Variants in CERKL observed in about 807,000 individuals in gnomAD.
CERKL encodes the protein CERK like autophagy regulator.
CERKL carries 61 observed loss-of-function variants against 63.4 expected under a neutral mutation model. The observed-to-expected ratio is 0.96, with a 90% CI of 0.78 to 1.19. The LOEUF is 1.19. Ranked by LOEUF, CERKL falls within the 50% of genes most tolerant of loss-of-function variation. The pLI, the probability that CERKL is intolerant of heterozygous loss-of-function variation, is 0.00. For missense variants in CERKL, 675 were observed against 655.5 expected, an observed-to-expected ratio of 1.03 and a Z score of -0.33; for synonymous variants, 250 against 230.5, an observed-to-expected ratio of 1.08 and a Z score of -0.77.
intron 1 of CERKL, among the ~76,000 whole-genome samples, chr2:181,647,235 G>A (rs1291671317): frequency 1.3e-5 from 2 of 152,226 alleles, no homozygotes; most frequent in Non-Finnish European, 2.9e-5. Flanking sequence ...TAGAAAGTCT[G>A]AAGCTGTAAT....
intron 2 of CERKL, among the ~76,000 whole-genome samples, chr2:181,592,968 G>C (rs1685049169): frequency 6.6e-6 from 1 of 152,120 alleles, no homozygotes; most frequent in South Asian, 2.1e-4. Flanking sequence ...AAGGGCTAAA[G>C]AGTTTGGGGC....
chr2:181,623,113 T>C (rs1237259648), intron 1 of CERKL, among the ~76,000 whole-genome samples: 1 of 152,234 alleles, frequency 6.6e-6, no homozygotes, highest in Non-Finnish European at 1.5e-5. Flanking sequence ...TATTTTCGAT[T>C]CGTTCCATAA....
intron 1 of CERKL, among the ~76,000 whole-genome samples, chr2:181,615,794 G>A (rs1686166411): frequency 2.0e-5 from 3 of 152,058 alleles, no homozygotes; most frequent in African/African-American, 7.3e-5. Context: ...GTTAAACTAG[G>A]GTTTAAACAA....
chr2:181,568,667 TTTC>T (rs1405102509), intron 3 of CERKL, among the ~76,000 whole-genome samples: 1 of 83,064 alleles, frequency 1.2e-5, no homozygotes, highest in Non-Finnish European at 3.0e-5. Context: ...ATTGGAGTAT[TTTC>T]TTTTTTTTTT....
chr2:181,604,020 A>C lies in CERKL; in HGVS notation c.298T>G (p.Ser100Ala), dbSNP rs34753159. 1.3e-3 allele frequency: 2,117 copies of C among 1,611,536 alleles called. 29 individuals are homozygous for C. In the African/African-American group the frequency reaches 0.025, roughly 19 times the overall value. Residue 100 changes from serine (S) to alanine (A), a missense_variant, in exon 2 of 13, where the codon TCT becomes GCT. Transcript: ENST00000410087. ...EEFIELKDIF[S>A]VKLKRRCSVK... ...GAACAACGCCGTTTCAGTTTCACAG[A>C]GAATATGTCTTTGAGTTCAATAAAT...
At position 181,536,723 on chromosome 2, in the gene CERKL, C is replaced by CTAT. The variant is rs1687124190; in HGVS notation, c.*1458_*1460dup. 4.1e-6 allele frequency: 1 copy of CTAT among 242,680 alleles called. No homozygotes were observed. Among genetic ancestry groups the CTAT allele is most frequent in the African/African-American group, 2.3e-5 (1 of 43,272 alleles). 15.0% of individuals were successfully genotyped at this position (242,680 alleles called of 1,614,324 possible). ...TAGTTTGTTCATACTATATGAGGTT[C>CTAT]TATTTTAAATGACTTTCTGGATTTT... On this transcript the variant is annotated 3_prime_UTR_variant, in exon 13 of 13. Transcript: ENST00000410087.
intron 11 of CERKL, among the ~76,000 whole-genome samples, chr2:181,539,656 C>T (rs951541433): frequency 6.6e-6 from 1 of 152,130 alleles, no homozygotes; most frequent in Non-Finnish European, 1.5e-5. Flanking sequence ...AAGTTTCACA[C>T]TTGGAATTTA....
At chr2:181,613,265 T>C (rs146143920) in intron 1 of CERKL, among the ~76,000 whole-genome samples, 6 of 152,348 alleles carry the variant, frequency 3.9e-5, no homozygotes, top group Non-Finnish European at 8.8e-5. Flanking sequence ...TTTTTAAATC[T>C]AGCCAAATTT....
intron 1 of CERKL, among the ~76,000 whole-genome samples, chr2:181,648,679 C>T (rs182465407): frequency 1.1e-4 from 17 of 152,250 alleles, no homozygotes; most frequent in Admixed American, 7.2e-4. Context: ...GTAAACCTGT[C>T]GATCCTCTAG....
rs77527040 is a variant in CERKL, at chr2:181,628,630, T to C, written c.239-24551A>G. The stretch of plus-strand genomic sequence containing the variant: ...TTCAAACAACTTTCAAATAATGAAA[T>C]TGAGATCTTTTCTGCTCTTCAAGGG... On this transcript the variant is annotated intron_variant, in intron 1 of 12. Transcript: ENST00000410087. 4.4e-3 allele frequency among the ~76,000 whole-genome samples: 671 copies of C among 152,262 alleles called. 5 individuals carry two copies. The highest frequency in any genetic ancestry group is 0.015 in the African/African-American group (629 of 41,544).
At chr2:181,589,985 T>G (rs1052396184) in intron 2 of CERKL, among the ~76,000 whole-genome samples, 14 of 151,922 alleles carry the variant, frequency 9.2e-5, no homozygotes, top group Admixed American at 8.5e-4. Flanking sequence ...GCTAATTTTT[T>G]TTTTTTTCTT....
intron 1 of CERKL, among the ~76,000 whole-genome samples, chr2:181,631,639 G>A (rs1686962670): frequency 6.6e-6 from 1 of 152,106 alleles, no homozygotes; most frequent in Non-Finnish European, 1.5e-5. Context: ...TTGAAGGGAG[G>A]GCTTGAGGAA....
In CERKL at chr2:181,547,611, T is replaced by C; in HGVS notation, c.1268+7A>G. The C allele has an allele frequency of 6.2e-7, 1 of 1,610,260 alleles. No homozygotes were observed. Among genetic ancestry groups the C allele is most frequent in the Non-Finnish European group, 8.5e-7 (1 of 1,176,580 alleles). ...GTATCAACAATTCAATAAAAATGCT[T>C]ACTAACCTGGTATTAGGTGCCAAGC... On this transcript the variant is annotated splice_region_variant and intron_variant, in intron 10 of 12. Coordinates refer to ENST00000410087, the MANE Select transcript of CERKL (RefSeq NM_201548.5).
intron 1 of CERKL, among the ~76,000 whole-genome samples, chr2:181,609,412 G>T (rs1410123059): frequency 4.6e-5 from 7 of 150,620 alleles, no homozygotes; most frequent in South Asian, 2.1e-4. Flanking sequence ...AAGCAATGAG[G>T]GGGCCAGGCA....
intron 2 of CERKL, among the ~76,000 whole-genome samples, chr2:181,590,874 AT>A (rs1398447430): frequency 3.9e-5 from 6 of 152,226 alleles, no homozygotes; most frequent in African/African-American, 1.4e-4. Flanking sequence ...ATTTATCAAT[AT>A]CTAACAAAAC....
At chr2:181,581,275 CAA>C (rs1207692365) in intron 2 of CERKL, among the ~76,000 whole-genome samples, 1 of 152,162 alleles carries the variant, frequency 6.6e-6, no homozygotes, top group African/African-American at 2.4e-5. Flanking sequence ...AGTGTGTCAG[CAA>C]AGTTCAAAGT....
intron 4 of CERKL, among the ~76,000 whole-genome samples, chr2:181,560,595 T>C (rs1018284530): frequency 6.6e-5 from 10 of 152,170 alleles, no homozygotes; most frequent in Non-Finnish European, 1.0e-4. Context: ...AATAACTGTA[T>C]GCAATAGGTA....
chr2:181,634,348 C>T (rs770701677), intron 1 of CERKL, among the ~76,000 whole-genome samples: 32 of 152,044 alleles, frequency 2.1e-4, no homozygotes, highest in Non-Finnish European at 4.0e-4. Flanking sequence ...ATCATGGAAT[C>T]AGTTGGTGTC....
At chr2:181,656,510 G>A (rs1040468813) in intron 1 of CERKL, among the ~76,000 whole-genome samples, 17 of 152,246 alleles carry the variant, frequency 1.1e-4, no homozygotes, top group African/African-American at 3.9e-4. Flanking sequence ...GCCCGGGGAA[G>A]GTCTCGGAGG....
Sources: gnomAD v4.1 joint callset for allele counts (sites outside exome capture counted in the v4.1 genomes callset) on GRCh38, gnomAD v4.1.1 for gene constraint, MANE v1.5 for transcripts, NCBI Gene and HGNC (gene_info 2026-07-23, HGNC 2026-07-21) for gene names.